Variants in SLC7A2 observed in about 807,000 individuals in gnomAD.
SLC7A2 encodes cationic amino acid transporter 2.
A neutral mutation model predicts 58.9 loss-of-function variants in SLC7A2; 48 were observed. That is an observed-to-expected ratio of 0.82 (90% CI 0.65 to 1.04). The LOEUF is 1.04. SLC7A2 is among the 50% of genes least tolerant of loss of function. The pLI is 0.00. For synonymous variants in SLC7A2, 363 were observed against 314.5 expected (o/e 1.15, Z -1.63); for missense variants, 1,029 against 818.8 (o/e 1.26, Z -3.13).
At position 17,562,154 on chromosome 8, in the gene SLC7A2, T is replaced by C. The variant is rs753874274; in HGVS notation, c.1671+44T>C. ...AGAGACCCAAAATACTGTATTCATT[T>C]TCTCTGTATAATTAGTTTGGTAAGT... On this transcript the variant is annotated intron_variant, in intron 11 of 12. Transcript: ENST00000494857. The C allele has an allele frequency of 5.9e-6, 8 of 1,351,810 alleles. No individual in the cohort carries two copies. The African/African-American group carries it at 1.1e-4, about 18-fold the overall frequency. The allele number at this position is 1,351,810 out of a possible 1,614,324, so 83.7% of individuals were successfully genotyped here.
At chr8:17,530,427 G>A (rs1298495765) in intron 2 of SLC7A2, among the ~76,000 whole-genome samples, 1 of 152,100 alleles carries the variant, frequency 6.6e-6, no homozygotes, top group Non-Finnish European at 1.5e-5. Context: ...AGGACAAACT[G>A]GGCTACAGTA....
chr8:17,528,325 C>A (rs926792606), intron 2 of SLC7A2, among the ~76,000 whole-genome samples: 3 of 152,118 alleles, frequency 2.0e-5, no homozygotes, highest in African/African-American at 7.2e-5. Flanking sequence ...CCTTTGTTTT[C>A]TTGAGAGGTT....
chr8:17,510,368 G>A (rs1009409184), intron 2 of SLC7A2, among the ~76,000 whole-genome samples: 1 of 152,070 alleles, frequency 6.6e-6, no homozygotes, highest in Admixed American at 6.5e-5. Flanking sequence ...AAAATGTTGA[G>A]AATATCTATA....
chr8:17,533,283 A>G (rs898196098), intron 2 of SLC7A2, among the ~76,000 whole-genome samples: 37 of 152,356 alleles, frequency 2.4e-4, no homozygotes, highest in African/African-American at 8.9e-4. Context: ...GAAGAACCAA[A>G]TCAGAACGTG....
At position 17,561,824 on chromosome 8, in the gene SLC7A2, T is replaced by C. The variant is rs572332680; in HGVS notation, c.1505-120T>C. ...AAGAAAGGGCAAGGCGAAGACTCTTTGTATTTAGCCAAGTAGATGTGTACA... is the reference window on the plus strand; with the variant it reads ...AAGAAAGGGCAAGGCGAAGACTCTTCGTATTTAGCCAAGTAGATGTGTACA... On this transcript the variant is annotated intron_variant, in intron 10 of 12. Transcript: ENST00000494857. 6 of 888,278 alleles carry C rather than the reference T, an allele frequency of 6.8e-6. No individual in the cohort carries two copies. The East Asian group carries it at 1.5e-4, about 22-fold the overall frequency. 55.0% of individuals were successfully genotyped at this position (888,278 alleles called of 1,614,324 possible). A position where few individuals can be genotyped will look rare whatever the true frequency, so the allele number is the denominator to read the frequency against.
chr8:17,497,749 C>A (rs1800010207), intron 1 of SLC7A2, among the ~76,000 whole-genome samples: 1 of 152,218 alleles, frequency 6.6e-6, no homozygotes, highest in African/African-American at 2.4e-5. Flanking sequence ...GCGCTGGAAG[C>A]CCCTTCACAT....
chr8:17,532,622 A>G (rs1801506109), intron 2 of SLC7A2, among the ~76,000 whole-genome samples: 1 of 152,184 alleles, frequency 6.6e-6, no homozygotes, highest in Admixed American at 6.5e-5. Flanking sequence ...ATAAAAATTA[A>G]AACAAAGTCT....
intron 2 of SLC7A2, among the ~76,000 whole-genome samples, chr8:17,522,822 GC>G (rs752037633): frequency 9.9e-5 from 15 of 152,202 alleles, no homozygotes; most frequent in Non-Finnish European, 1.6e-4. Flanking sequence ...GATCGCTTGA[GC>G]CCAGGAGTTT....
intron 2 of SLC7A2, among the ~76,000 whole-genome samples, chr8:17,531,514 ATTC>A (rs1369252552): frequency 6.6e-6 from 1 of 151,916 alleles, no homozygotes; most frequent in Admixed American, 6.5e-5. Flanking sequence ...TATGAATTAT[ATTC>A]TTTGTAAAAC....
At chr8:17,547,992 T>C (rs1802258850) in intron 4 of SLC7A2, among the ~76,000 whole-genome samples, 1 of 152,182 alleles carries the variant, frequency 6.6e-6, no homozygotes, top group South Asian at 2.1e-4. Flanking sequence ...ATTATCTTTG[T>C]TTATGTATTT....
rs1802466583 is a variant in SLC7A2, at chr8:17,551,851, C to T, written c.920C>T (p.Ser307Phe). ...TGCTTTATGGCCTATTTTGGGGTCT[C>T]TGCAGCTTTAACACTTATGATGCCG... ...LVCFMAYFGV[S>F]AALTLMMPYY... Residue 307 changes from serine to phenylalanine, a missense_variant, in exon 7 of 13, where the codon TCT (serine) becomes TTT (phenylalanine). By Grantham distance (155) the Ser-to-Phe change is radical. Coordinates refer to ENST00000494857, the MANE Select transcript of SLC7A2 (RefSeq NM_001370338.1). 1 of 1,613,880 alleles carries T rather than the reference C, an allele frequency of 6.2e-7. No individual in the cohort carries two copies. Among genetic ancestry groups the T allele is most frequent in the Non-Finnish European group, 8.5e-7 (1 of 1,179,998 alleles).
intron 5 of SLC7A2, 74 bp from the exon 6 acceptor site, chr8:17,550,227 T>C: frequency 7.2e-7 from 1 of 1,391,960 alleles, no homozygotes; most frequent in East Asian, 2.3e-5. Context: ...TCCAAGGATA[T>C]AGTCTGAGAA....
intron 2 of SLC7A2, 23 bp downstream of exon 2, chr8:17,502,325 G>C (rs1359775462): frequency 6.6e-6 from 1 of 152,028 alleles, no homozygotes; most frequent in African/African-American, 2.4e-5. Flanking sequence ...TTCAATCTTG[G>C]CTTGCACGTT....
chr8:17,499,656 A>G (rs750454062), intron 1 of SLC7A2, among the ~76,000 whole-genome samples: 5 of 151,698 alleles, frequency 3.3e-5, no homozygotes, highest in Non-Finnish European at 7.4e-5. Flanking sequence ...ATACTCACAT[A>G]TTTAGTTTTG....
chr8:17,524,421 T>TATAC (rs1801141630), intron 2 of SLC7A2, among the ~76,000 whole-genome samples: 1 of 135,030 alleles, frequency 7.4e-6, no homozygotes, highest in Non-Finnish European at 1.6e-5. Flanking sequence ...TGTGTGTGTG[T>TATAC]ACACACACAC....
At chr8:17,524,532 T>C (rs1207338848) in intron 2 of SLC7A2, among the ~76,000 whole-genome samples, 2 of 151,952 alleles carry the variant, frequency 1.3e-5, no homozygotes, top group Non-Finnish European at 2.9e-5. Flanking sequence ...TTGGATACTA[T>C]CATTCTAAGT....
chr8:17,500,105 T>A (rs923273435), intron 1 of SLC7A2: 1 of 152,226 alleles, frequency 6.6e-6, no homozygotes, highest in African/African-American at 2.4e-5. Flanking sequence ...ATTCTATAAT[T>A]ATGTTTACAT....
intron 8 of SLC7A2, among the ~76,000 whole-genome samples, chr8:17,556,145 G>A (rs1585261566): frequency 6.6e-6 from 1 of 152,102 alleles, no homozygotes; most frequent in Non-Finnish European, 1.5e-5. Flanking sequence ...CTCAGGCTTA[G>A]ATTTCTGCCC....
At chr8:17,512,854 T>C (rs987100892) in intron 2 of SLC7A2, among the ~76,000 whole-genome samples, 6 of 152,288 alleles carry the variant, frequency 3.9e-5, no homozygotes, top group African/African-American at 1.4e-4. Flanking sequence ...ATTTGACTGC[T>C]CTAGGAACTT....
Sources: gnomAD v4.1 joint callset for allele counts (sites outside exome capture counted in the v4.1 genomes callset) on GRCh38, gnomAD v4.1.1 for gene constraint, MANE v1.5 for transcripts, NCBI Gene and HGNC (gene_info 2026-07-23, HGNC 2026-07-21) for gene names.